The following CENPS variants were observed in gnomAD, a reference collection of about 807,000 sequenced individuals.
CENPS encodes FANCM associated histone fold protein 1.
A neutral mutation model predicts 17.9 loss-of-function variants in CENPS; 16 were observed. The observed-to-expected ratio is 0.90, with a 90% CI of 0.61 to 1.36. The LOEUF is 1.36. CENPS is among the 40% of genes most tolerant of loss of function. CENPS has a pLI of 0.00. For synonymous variants in CENPS, 49 were observed against 55.8 expected, an observed-to-expected ratio of 0.88 and a Z score of 0.54; for missense variants, 160 against 158.6, an observed-to-expected ratio of 1.01 and a Z score of -0.05.
intron 3 of CENPS, chr1:10,440,072 C>T (rs1221047177): frequency 6.6e-6 from 3 of 452,242 alleles, no homozygotes; most frequent in Middle Eastern, 5.9e-4. Flanking sequence ...GGGCGCTAAG[C>T]CCCCAGCCTC....
Position 10,430,450 on chromosome 1 carries a change from T to C in CENPS, c.-68T>C. 6.6e-7 allele frequency: 1 copy of C among 1,520,872 alleles called. No homozygotes were observed. The highest frequency in any genetic ancestry group is 8.8e-7 in the Non-Finnish European group (1 of 1,135,316). The allele number at this position is 1,520,872 out of a possible 1,614,324, so 94.2% of individuals were successfully genotyped here. A position where few individuals can be genotyped will look rare whatever the true frequency, so the allele number is the denominator to read the frequency against. On this transcript the variant is annotated 5_prime_UTR_variant, in exon 1 of 5. Transcript: ENST00000309048. ...CGTCGCTCGCGCCGCGGCGGGAAAA[T>C]CCGACCTGGCCGCGCACCACCGCCC... is the stretch of plus-strand genomic sequence containing the variant.
At chr1:10,430,873 C>T (rs886666813) in intron 1 of CENPS, 157 of 1,303,650 alleles carry the variant, frequency 1.2e-4, no homozygotes, top group Non-Finnish European at 1.3e-4. Flanking sequence ...TTCCCCTTCT[C>T]AGATGGGGTT....
chr1:10,440,267 C>A, intron 3 of CENPS, 80 bp from the exon 4 acceptor site: 1 of 1,550,414 alleles, frequency 6.4e-7, no homozygotes, highest in South Asian at 1.2e-5. Flanking sequence ...AGTTTGAAGT[C>A]TGACCGTGAA....
intron 3 of CENPS, among the ~76,000 whole-genome samples, chr1:10,437,276 C>T (rs1640206448): frequency 6.6e-6 from 1 of 152,114 alleles, no homozygotes; most frequent in African/African-American, 2.4e-5. Context: ...CCACCTTGGC[C>T]TCCCAGAGTG....
intron 1 of CENPS, chr1:10,431,351 G>GC: frequency 6.5e-7 from 1 of 1,535,330 alleles, no homozygotes; most frequent in African/African-American, 1.4e-5. Flanking sequence ...TGTCTACCCT[G>GC]CCCCTTGTCT....
rs752974770 is a variant in CENPS at position 10,434,700 on chromosome 1, G to C, written c.209+10G>C. 6.2e-6 allele frequency: 10 copies of C among 1,602,430 alleles called. No homozygotes were observed. The African/African-American group carries it at 1.4e-4, about 22-fold the overall frequency. ...TTGAAATGTTTGCAAGGTGGGTAGAGAACTTGATTATCCGACACTGCGTCT... is the reference window on the plus strand; with the variant it reads ...TTGAAATGTTTGCAAGGTGGGTAGACAACTTGATTATCCGACACTGCGTCT... On this transcript the variant is annotated intron_variant, in intron 3 of 4. Transcript: ENST00000309048.
intron 3 of CENPS, among the ~76,000 whole-genome samples, chr1:10,439,308 G>A (rs981481229): frequency 9.2e-5 from 14 of 152,176 alleles, no homozygotes; most frequent in Non-Finnish European, 1.9e-4. Flanking sequence ...TTGTGGGGAA[G>A]TTAGAAATGG....
intron 4 of CENPS, among the ~76,000 whole-genome samples, chr1:10,440,785 G>A (rs145568262): frequency 6.8e-4 from 104 of 152,318 alleles, no homozygotes; most frequent in African/African-American, 2.3e-3. Flanking sequence ...CGGAGTTTCC[G>A]TATGGCTGGA....
At chr1:10,437,004 A>T (rs1404067655) in intron 3 of CENPS, among the ~76,000 whole-genome samples, 2 of 152,166 alleles carry the variant, frequency 1.3e-5, no homozygotes, top group Non-Finnish European at 2.9e-5. Context: ...TCCCTGTCAC[A>T]CTTCTCTACT....
chr1:10,431,184 C>T, intron 1 of CENPS: 2 of 1,483,094 alleles, frequency 1.3e-6, no homozygotes, highest in Non-Finnish European at 8.9e-7. Flanking sequence ...CTTTCATCAG[C>T]GCCGGGCATA....
intron 1 of CENPS, chr1:10,430,985 C>T (rs1171798269): frequency 7.9e-6 from 10 of 1,270,804 alleles, no homozygotes; most frequent in Non-Finnish European, 1.0e-5. Context: ...GAGGCGTCGA[C>T]CCCTCGTTAC....
intron 1 of CENPS, chr1:10,431,308 A>G (rs1005903903): frequency 1.3e-6 from 2 of 1,535,100 alleles, no homozygotes; most frequent in Non-Finnish European, 1.7e-6. Context: ...CAGACGCGGG[A>G]GTTTCCTCTC....
intron 1 of CENPS, chr1:10,431,119 A>G (rs1570015076): frequency 7.1e-7 from 1 of 1,417,114 alleles, no homozygotes; most frequent in Non-Finnish European, 9.2e-7. Flanking sequence ...CTTCTCTGCA[A>G]AATCGTCATA....
At position 10,431,487 on chromosome 1, in the gene CENPS, C is replaced by T. The variant is rs553866004; in HGVS notation, c.51+919C>T. 5 of 1,412,810 alleles carry T rather than the reference C, an allele frequency of 3.5e-6. No homozygotes were observed. In the African/African-American group the frequency reaches 5.7e-5, roughly 16 times the overall value. 87.5% of individuals were successfully genotyped at this position (1,412,810 alleles called of 1,614,324 possible). A position where few individuals can be genotyped will look rare whatever the true frequency, so the allele number is the denominator to read the frequency against. On this transcript the variant is annotated intron_variant, in intron 1 of 4. Transcript: ENST00000309048. ...TGCTCCCATGCTTCCCTCCCAGCCC[C>T]GCGATTGGAGAATTAATTGCAGATA...
intron 4 of CENPS, among the ~76,000 whole-genome samples, chr1:10,441,528 G>A (rs888463825): frequency 1.3e-5 from 2 of 151,100 alleles, no homozygotes; most frequent in African/African-American, 4.9e-5. Context: ...TGCCTGGGCT[G>A]GTCTCAAACT....
chr1:10,440,889 A>G (rs1336779183), intron 4 of CENPS, among the ~76,000 whole-genome samples: 3 of 152,260 alleles, frequency 2.0e-5, no homozygotes, highest in African/African-American at 7.2e-5. Flanking sequence ...TACTCTGGTC[A>G]TCCCAGGCTA....
chr1:10,433,487 C>T (rs141449474), intron 1 of CENPS, among the ~76,000 whole-genome samples: 3 of 152,316 alleles, frequency 2.0e-5, no homozygotes, highest in African/African-American at 7.2e-5. Context: ...TTCCCAAACA[C>T]CTAGCATATG....
chr1:10,431,546 A>G, intron 1 of CENPS: 1 of 1,118,482 alleles, frequency 8.9e-7, no homozygotes, highest in Non-Finnish European at 1.2e-6. Context: ...TTAATTCTTT[A>G]GTACACATCT....
intron 3 of CENPS, 137 bp from the exon 4 acceptor site, chr1:10,440,210 C>G (rs151009782): frequency 8.6e-7 from 1 of 1,169,444 alleles, no homozygotes; most frequent in South Asian, 1.7e-5. Flanking sequence ...GTCACTTTTG[C>G]TTAATGCCCT....
Sources: gnomAD v4.1 joint callset for allele counts (sites outside exome capture counted in the v4.1 genomes callset) on GRCh38, gnomAD v4.1.1 for gene constraint, MANE v1.5 for transcripts, NCBI Gene and HGNC (gene_info 2026-07-23, HGNC 2026-07-21) for gene names.